The following UNC79 variants were observed in gnomAD, a reference collection of about 807,000 sequenced individuals.
The protein encoded by UNC79 is unc-79 subunit of NALCN channel complex.
In UNC79, 37 loss-of-function variants were observed where a neutral mutation model predicts 283.1. The ratio of observed to expected loss-of-function variants is 0.13; its 90% CI spans 0.10 to 0.17. UNC79 has a LOEUF of 0.17. Among genes scored for constraint, UNC79 ranks in the 10% least tolerant of loss-of-function variants. The pLI is 1.00. For synonymous variants in UNC79, 1,107 were observed against 1,200.2 expected (o/e 0.92, Z 1.61); for missense variants, 2,272 against 3,211.1 (o/e 0.71, Z 7.07).
At chr14:93,528,406 G>A (rs2060642869) in intron 8 of UNC79, 152 bp from the exon 9 acceptor site, 1 of 648,508 alleles carries the variant, frequency 1.5e-6, no homozygotes, top group South Asian at 2.5e-5. Context: ...AGTCCAGGGA[G>A]AAACATTTAT....
chr14:93,515,946 A>G (rs1342890494), intron 7 of UNC79, among the ~76,000 whole-genome samples: 2 of 151,006 alleles, frequency 1.3e-5, no homozygotes, highest in Non-Finnish European at 3.0e-5. Context: ...AAGAAATTCT[A>G]TGCTTCTAGA....
chr14:93,492,728 G>C (rs1008597031), intron 5 of UNC79, among the ~76,000 whole-genome samples: 3 of 152,188 alleles, frequency 2.0e-5, no homozygotes, highest in Admixed American at 1.3e-4. Context: ...AACTGTCCAG[G>C]TATGTTCATG....
chr14:93,462,881 C>T (rs1024322551), intron 1 of UNC79, among the ~76,000 whole-genome samples: 2 of 152,068 alleles, frequency 1.3e-5, no homozygotes, highest in Non-Finnish European at 2.9e-5. Flanking sequence ...TTATAAGATT[C>T]CCAAGTGGAG....
chr14:93,423,956 C>T (rs1004425257), intron 1 of UNC79, among the ~76,000 whole-genome samples: 3 of 152,178 alleles, frequency 2.0e-5, no homozygotes, highest in Admixed American at 1.3e-4. Flanking sequence ...ATATTTCAAA[C>T]TACCTATTTG....
intron 30 of UNC79, among the ~76,000 whole-genome samples, chr14:93,627,566 A>G (rs2067665513): frequency 6.6e-6 from 1 of 152,180 alleles, no homozygotes; most frequent in Non-Finnish European, 1.5e-5. Flanking sequence ...GCAGAGTCAC[A>G]AAAGAACAAG....
chr14:93,403,615 A>G (rs58657413), intron 1 of UNC79, among the ~76,000 whole-genome samples: 6 of 152,210 alleles, frequency 3.9e-5, no homozygotes, highest in African/African-American at 1.4e-4. Context: ...AAACAGCATA[A>G]AATAAATCTA....
intron 1 of UNC79, among the ~76,000 whole-genome samples, chr14:93,403,459 G>T (rs1052171767): frequency 6.6e-6 from 1 of 152,210 alleles, no homozygotes; most frequent in Non-Finnish European, 1.5e-5. Context: ...AGGCAGGTTT[G>T]CCTGATGCAG....
At chr14:93,337,935 G>A (rs955813144) in intron 1 of UNC79, among the ~76,000 whole-genome samples, 2 of 152,106 alleles carry the variant, frequency 1.3e-5, no homozygotes, top group African/African-American at 4.8e-5. Flanking sequence ...CTCACATGGA[G>A]CTGGTGTCTA....
chr14:93,590,864 C>T (rs77180968), intron 22 of UNC79, among the ~76,000 whole-genome samples: 169 of 152,332 alleles, frequency 1.1e-3, no homozygotes, highest in African/African-American at 3.9e-3. Context: ...CATGAAGGCA[C>T]AAATTATATC....
chr14:93,624,863 C>T (rs1018141740), intron 30 of UNC79, among the ~76,000 whole-genome samples: 4 of 152,078 alleles, frequency 2.6e-5, no homozygotes, highest in African/African-American at 9.7e-5. Flanking sequence ...CATACACTTG[C>T]CCCTCCAAAC....
At chr14:93,619,210 T>C (rs1463366475) in intron 29 of UNC79, among the ~76,000 whole-genome samples, 2 of 152,196 alleles carry the variant, frequency 1.3e-5, no homozygotes, top group East Asian at 3.8e-4. Flanking sequence ...AGAACTAGGT[T>C]CTTTAAGTTC....
upstream of UNC79, among the ~76,000 whole-genome samples, chr14:93,428,191 C>T (rs982145420): frequency 6.6e-6 from 1 of 151,962 alleles, no homozygotes; most frequent in Non-Finnish European, 1.5e-5. Context: ...GAAATGGAGG[C>T]CACTTATTCA....
At chr14:93,403,654 G>T (rs2055156391) in intron 1 of UNC79, among the ~76,000 whole-genome samples, 1 of 152,132 alleles carries the variant, frequency 6.6e-6, no homozygotes, top group Non-Finnish European at 1.5e-5. Context: ...TGGATTTGCA[G>T]AACACTGATG....
At chr14:93,365,460 A>G (rs573886003) in intron 1 of UNC79, among the ~76,000 whole-genome samples, 1 of 152,290 alleles carries the variant, frequency 6.6e-6, no homozygotes, top group South Asian at 2.1e-4. Context: ...TACCATAAAA[A>G]AGAAGTACCA....
Position 93,637,378 on chromosome 14 carries a change from G to A in UNC79, c.5800+79G>A, listed in dbSNP as rs1015087560. The A allele has an allele frequency of 1.0e-5, 16 of 1,576,198 alleles. No individual in the cohort carries two copies. In the African/African-American group the frequency reaches 1.4e-4, roughly 13 times the overall value. ...TCCATCATTTGGTCACCCAGCAGGT[G>A]CAGGCTTTTTCTTAGCACCTCCATG... On this transcript the variant is annotated intron_variant, in intron 32 of 48. Transcript: ENST00000555664.
chr14:93,646,169 C>T (rs1272610601), intron 34 of UNC79, among the ~76,000 whole-genome samples: 1 of 152,170 alleles, frequency 6.6e-6, no homozygotes, highest in Non-Finnish European at 1.5e-5. Context: ...TTCAACCCAA[C>T]AGCTGACAAA....
intron 1 of UNC79, among the ~76,000 whole-genome samples, chr14:93,452,450 G>A (rs1208156472): frequency 2.7e-5 from 4 of 148,854 alleles, no homozygotes; most frequent in East Asian, 2.0e-4. Flanking sequence ...GTGCAATGGC[G>A]CGATCTCGGC....
At chr14:93,342,219 C>A (rs1263154227) in intron 1 of UNC79, among the ~76,000 whole-genome samples, 2 of 152,244 alleles carry the variant, frequency 1.3e-5, no homozygotes, top group Non-Finnish European at 2.9e-5. Context: ...CCTCTAAAAT[C>A]TAGGTGGAGA....
intron 1 of UNC79, among the ~76,000 whole-genome samples, chr14:93,462,433 G>A (rs1264171782): frequency 1.3e-5 from 2 of 152,218 alleles, no homozygotes; most frequent in African/African-American, 2.4e-5. Flanking sequence ...TGAAGACAGT[G>A]GGCAGCCCCT....
Sources: allele counts gnomAD v4.1 joint callset (sites outside exome capture counted in the v4.1 genomes callset), GRCh38; gene constraint gnomAD v4.1.1; transcripts MANE v1.5; gene names NCBI Gene and HGNC (gene_info 2026-07-23, HGNC 2026-07-21).